The following PDE8B variants were observed in gnomAD, a reference collection of about 807,000 sequenced individuals.
The protein encoded by PDE8B is high affinity cAMP-specific and IBMX-insensitive 3',5'-cyclic phosphodiesterase 8B.
PDE8B carries 26 observed loss-of-function variants against 101.3 expected under a neutral mutation model. That is an observed-to-expected ratio of 0.26 (90% CI 0.19 to 0.36). The LOEUF (loss-of-function observed/expected upper bound fraction) is 0.36, where lower values mean the gene tolerates loss of function less well. Among genes scored for constraint, PDE8B ranks in the 10% least tolerant of loss-of-function variants. The pLI, the probability that PDE8B is intolerant of heterozygous loss-of-function variation, is 1.00. For missense variants in PDE8B, 810 were observed against 1,163.1 expected, an observed-to-expected ratio of 0.70 and a Z score of 4.42; for synonymous variants, 424 against 429.3, an observed-to-expected ratio of 0.99 and a Z score of 0.15.
At chr5:77,272,231 G>A (rs534499847) in intron 1 of PDE8B, among the ~76,000 whole-genome samples, 1 of 152,270 alleles carries the variant, frequency 6.6e-6, no homozygotes, top group South Asian at 2.1e-4. Flanking sequence ...CTTCTAGAAG[G>A]TTATGATATC....
At chr5:77,414,587 A>ATTTTTTTT (rs35794220) in intron 17 of PDE8B, among the ~76,000 whole-genome samples, 1 of 139,458 alleles carries the variant, frequency 7.2e-6, no homozygotes. Flanking sequence ...TGCCCAGCCG[A>ATTTTTTTT]TTTTTTTTTT....
Position 77,211,122 on chromosome 5 carries a change from G to T in PDE8B, c.197G>T (p.Arg66Leu). 6.6e-7 allele frequency: 1 copy of T among 1,504,006 alleles called. No homozygotes were observed. The highest frequency in any genetic ancestry group is 8.8e-7 in the Non-Finnish European group (1 of 1,133,806). The allele number at this position is 1,504,006 out of a possible 1,614,324, so 93.2% of individuals were successfully genotyped here. A position where few individuals can be genotyped will look rare whatever the true frequency, so the allele number is the denominator to read the frequency against. ...GCGTCGGGACCCCCCAGCGTAGCCC[G>T]CGTCCGCAGGGCCCGCACCGAGCTG... is the stretch of plus-strand genomic sequence containing the variant. The part of the protein sequence containing the change: ...SRASGPPSVA[R>L]VRRARTELGS... The change falls in exon 1 of 22, where the codon CGC becomes CTC. Residue 66 changes from arginine to leucine, a missense_variant. Coordinates refer to ENST00000264917, the MANE Select transcript of PDE8B (RefSeq NM_003719.5). The surrounding 1 kb of genome is among the most constrained non-coding windows in gnomAD (Gnocchi z 4.1).
intron 1 of PDE8B, among the ~76,000 whole-genome samples, chr5:77,219,541 A>G (rs959262128): frequency 1.3e-5 from 2 of 152,194 alleles, no homozygotes; most frequent in Admixed American, 6.5e-5. Context: ...ACAAGGGTTC[A>G]GGATAGCCAG....
At chr5:77,262,116 A>G (rs1760718571) in intron 1 of PDE8B, among the ~76,000 whole-genome samples, 1 of 152,126 alleles carries the variant, frequency 6.6e-6, no homozygotes, top group Non-Finnish European at 1.5e-5. Flanking sequence ...AGTATACTTC[A>G]TATGTACAGT....
intron 10 of PDE8B, among the ~76,000 whole-genome samples, chr5:77,395,688 T>G (rs1581461253): frequency 6.6e-6 from 1 of 152,156 alleles, no homozygotes; most frequent in East Asian, 1.9e-4. Context: ...CTTTTAATTT[T>G]TCATCAGTAA....
In PDE8B at chr5:77,250,717, G is replaced by T. The variant is rs1461907511; in HGVS notation, c.339+39453G>T. Among the ~76,000 whole-genome samples, 4 of 152,290 alleles carry T rather than the reference G, an allele frequency of 2.6e-5. No homozygotes were observed. The East Asian group carries it at 7.7e-4, about 29-fold the overall frequency. On this transcript the variant is annotated intron_variant, in intron 1 of 21. Transcript: ENST00000264917. ...CTATAGCTTTGGATGATCTGAAATT[G>T]TCTGGGAGTCACTTTCCAGCCTGGG...
At chr5:77,237,772 C>A (rs1056887065) in intron 1 of PDE8B, among the ~76,000 whole-genome samples, 2 of 152,092 alleles carry the variant, frequency 1.3e-5, no homozygotes, top group African/African-American at 4.8e-5. Context: ...TCTTTTAGAG[C>A]AGGTCTGTTG....
chr5:77,300,666 A>T (rs1769719834), intron 1 of PDE8B, among the ~76,000 whole-genome samples: 1 of 152,202 alleles, frequency 6.6e-6, no homozygotes, highest in Admixed American at 6.5e-5. Context: ...ATTGTCTTCC[A>T]TGTGTGTTAG....
At chr5:77,421,043 A>G (rs1337113800) in intron 19 of PDE8B, among the ~76,000 whole-genome samples, 1 of 152,190 alleles carries the variant, frequency 6.6e-6, no homozygotes, top group Non-Finnish European at 1.5e-5. Flanking sequence ...GAGAATAACA[A>G]TCTTTCAGGT....
At chr5:77,248,301 G>A (rs1757375177) in intron 1 of PDE8B, among the ~76,000 whole-genome samples, 1 of 152,212 alleles carries the variant, frequency 6.6e-6, no homozygotes, top group African/African-American at 2.4e-5. Flanking sequence ...AATATGGGTG[G>A]AAGTCATAGC....
chr5:77,108,511 C>T, the PDE8B span, among the ~76,000 whole-genome samples: 8 of 152,064 alleles, frequency 5.3e-5, no homozygotes, highest in South Asian at 2.1e-4. Context: ...GGCGAAACCC[C>T]GTCTCTATTA....
intron 20 of PDE8B, among the ~76,000 whole-genome samples, chr5:77,424,896 T>G (rs145663164): frequency 2.8e-4 from 42 of 151,636 alleles, no homozygotes; most frequent in South Asian, 2.5e-3. Context: ...CAGTCCTGGC[T>G]CAATGCAGAC....
intron 1 of PDE8B, among the ~76,000 whole-genome samples, chr5:77,242,175 G>C (rs978312039): frequency 1.3e-5 from 2 of 152,224 alleles, no homozygotes; most frequent in African/African-American, 4.8e-5. Context: ...TGGGAGGGCA[G>C]CCAGAAATGG....
chr5:77,295,640 ATAT>A (rs1768358329), intron 1 of PDE8B, among the ~76,000 whole-genome samples: 1 of 152,188 alleles, frequency 6.6e-6, no homozygotes. Flanking sequence ...GATCTCTCTA[ATAT>A]CAACAAGGGG....
At chr5:77,388,036 G>A (rs938686540) in intron 10 of PDE8B, among the ~76,000 whole-genome samples, 5 of 152,096 alleles carry the variant, frequency 3.3e-5, no homozygotes, top group South Asian at 2.1e-4. Flanking sequence ...CCTTTAGCTC[G>A]GAGGAGTTTG....
the PDE8B span, chr5:77,114,694 A>G: frequency 6.6e-6 from 1 of 152,264 alleles, no homozygotes; most frequent in Non-Finnish European, 1.5e-5. Context: ...TAAAATCTAT[A>G]ATAGACGAGA....
Position 77,426,609 on chromosome 5 carries a change from A to G in PDE8B, c.*55A>G. ...GACAAAGGACACTGTGAATCACAGT[A>G]GCGTAAACGAGAGGCCTTCCTTTCT... On this transcript the variant is annotated 3_prime_UTR_variant, in exon 22 of 22. Coordinates refer to ENST00000264917, the MANE Select transcript of PDE8B (RefSeq NM_003719.5). 3.4e-6 allele frequency: 3 copies of G among 882,344 alleles called. No individual in the cohort carries two copies. The highest frequency in any genetic ancestry group is 2.5e-5 in the East Asian group (1 of 40,614). 54.7% of individuals were successfully genotyped at this position (882,344 alleles called of 1,614,324 possible).
Position 77,412,080 on chromosome 5 carries a change from C to G in PDE8B, c.1577-20C>G, listed in dbSNP as rs372977945. Reference sequence around the variant, plus strand: ...GATTCCACAATTAACCAGCCTCCCCCATCCCATCTGTTTGCTCAGATGTGC... The same window carrying G: ...GATTCCACAATTAACCAGCCTCCCCGATCCCATCTGTTTGCTCAGATGTGC... On this transcript the variant is annotated intron_variant, in intron 15 of 21. Transcript: ENST00000264917. 1.1e-5 allele frequency: 17 copies of G among 1,613,758 alleles called. No homozygotes were observed. Among genetic ancestry groups the G allele is most frequent in the African/African-American group, 5.3e-5 (4 of 75,042 alleles).
chr5:77,118,027 C>T, the PDE8B span, among the ~76,000 whole-genome samples: 410 of 152,104 alleles, frequency 2.7e-3, 2 homozygotes, highest in Middle Eastern at 0.014. Context: ...CTCCGCCTCC[C>T]AGGTTCAAGC....
Sources: allele counts gnomAD v4.1 joint callset (sites outside exome capture counted in the v4.1 genomes callset), GRCh38; gene constraint gnomAD v4.1.1; non-coding constraint Gnocchi (gnomAD v3.1); transcripts MANE v1.5; gene names NCBI Gene and HGNC (gene_info 2026-07-23, HGNC 2026-07-21).